The following ITSN1 variants were observed in gnomAD, a reference collection of about 807,000 sequenced individuals.
ITSN1 encodes intersectin-1.
Under a neutral mutation model 239.8 loss-of-function variants are expected in ITSN1, and 58 were observed. That is an observed-to-expected ratio of 0.24 (90% confidence interval 0.20 to 0.30). The LOEUF is 0.30. ITSN1 is among the 10% of genes least tolerant of loss of function. ITSN1 has a pLI of 1.00. For synonymous variants in ITSN1, 780 were observed against 770.8 expected, an observed-to-expected ratio of 1.01 and a Z score of -0.20; for missense variants, 1,558 against 2,103.3, an observed-to-expected ratio of 0.74 and a Z score of 5.07.
chr21:33,767,898 C>T, intron 11 of ITSN1, 70 bp downstream of exon 11: 2 of 840,636 alleles, frequency 2.4e-6, no homozygotes, highest in Non-Finnish European at 3.9e-6. Context: ...ATCTCTAAGA[C>T]AAAGATAGAG....
intron 5 of ITSN1, among the ~76,000 whole-genome samples, chr21:33,737,507 A>G (rs2066575301): frequency 6.6e-6 from 1 of 152,194 alleles, no homozygotes; most frequent in Non-Finnish European, 1.5e-5. Flanking sequence ...AAATACATAT[A>G]TATATTTTAT....
rs2092339544 is a variant in ITSN1 at position 33,709,156 on chromosome 21, C to CA, written c.-32-9638dup. ...ACTATCAGCTTGCCGATTTCTGCCA[C>CA]AAAGCCTGCTGCAATTTTGATTGGG... On this transcript the variant is annotated intron_variant, in intron 1 of 39. Transcript: ENST00000381318. Among the ~76,000 whole-genome samples, 3 of 152,318 alleles carry CA rather than the reference C, an allele frequency of 2.0e-5. No homozygotes were observed. In the South Asian group the frequency reaches 6.2e-4, roughly 32 times the overall value.
At chr21:33,695,386 G>A (rs2091750054) in intron 1 of ITSN1, among the ~76,000 whole-genome samples, 1 of 152,190 alleles carries the variant, frequency 6.6e-6, no homozygotes. Flanking sequence ...GAGTGTCAAG[G>A]AAATAGGAAA....
chr21:33,888,128 A>T (rs746955303), intron 39 of ITSN1, 24 bp from the exon 40 acceptor site: 1 of 1,612,914 alleles, frequency 6.2e-7, no homozygotes, highest in Non-Finnish European at 8.5e-7. Context: ...CCCTCTTAGG[A>T]GGGTCTGTTT....
At chr21:33,813,148 A>T (rs918576156) in intron 21 of ITSN1, among the ~76,000 whole-genome samples, 6 of 151,978 alleles carry the variant, frequency 3.9e-5, no homozygotes, top group Non-Finnish European at 7.4e-5. Flanking sequence ...TCAATGAGGA[A>T]ATCAAATGCC....
At chr21:33,755,458 A>G (rs1382576714) in intron 8 of ITSN1, 61 bp downstream of exon 8, 2 of 874,280 alleles carry the variant, frequency 2.3e-6, no homozygotes, top group Non-Finnish European at 3.6e-6. Flanking sequence ...CTGTTTCTAG[A>G]TATTGGGTCA....
intron 20 of ITSN1, among the ~76,000 whole-genome samples, chr21:33,809,497 ACTC>A (rs2072733872): frequency 6.6e-6 from 1 of 152,192 alleles, no homozygotes; most frequent in Non-Finnish European, 1.5e-5. Context: ...GAACCCTATT[ACTC>A]ACTGTCCACT....
chr21:33,750,627 C>G (rs1283154229), intron 6 of ITSN1, among the ~76,000 whole-genome samples: 1 of 152,142 alleles, frequency 6.6e-6, no homozygotes, highest in East Asian at 1.9e-4. Flanking sequence ...TGAAGTTGAA[C>G]TGTAGTTGAA....
chr21:33,669,734 C>T (rs1427375301), intron 1 of ITSN1, among the ~76,000 whole-genome samples: 1 of 152,162 alleles, frequency 6.6e-6, no homozygotes, highest in African/African-American at 2.4e-5. Context: ...AGCCACCGCT[C>T]TCGGCCCTCA....
At chr21:33,775,134 T>G (rs747664678) in intron 14 of ITSN1, 26 bp downstream of exon 14, 2 of 1,594,532 alleles carry the variant, frequency 1.3e-6, no homozygotes, top group Admixed American at 3.6e-5. Flanking sequence ...TCTTAAAAGC[T>G]ATTATATTAA....
At chr21:33,807,408 G>A (rs993467589) in intron 20 of ITSN1, among the ~76,000 whole-genome samples, 1 of 152,172 alleles carries the variant, frequency 6.6e-6, no homozygotes, top group African/African-American at 2.4e-5. Flanking sequence ...TGTGATTTTG[G>A]CTCACTGCAA....
chr21:33,647,091 A>G (rs894461057), intron 1 of ITSN1, among the ~76,000 whole-genome samples: 4 of 152,212 alleles, frequency 2.6e-5, no homozygotes, highest in African/African-American at 9.7e-5. Context: ...ATAAGCTATC[A>G]AATATGTATT....
intron 11 of ITSN1, among the ~76,000 whole-genome samples, chr21:33,771,440 A>G (rs976045365): frequency 2.0e-5 from 3 of 152,220 alleles, no homozygotes; most frequent in African/African-American, 7.2e-5. Context: ...GGATGATGGG[A>G]TTGTAGAAAA....
chr21:33,802,496 C>T lies in ITSN1; in HGVS notation c.2319+52C>T, dbSNP rs9978099. The T allele has an allele frequency of 3.4e-4, 543 of 1,585,934 alleles. 2 individuals are homozygous for T. In the African/African-American group the frequency reaches 5.5e-3, roughly 16 times the overall value. On this transcript the variant is annotated intron_variant, in intron 20 of 39. Coordinates refer to ENST00000381318, the MANE Select transcript of ITSN1 (RefSeq NM_003024.3). The stretch of plus-strand genomic sequence containing the variant: ...TCTGCATCTTATTCAATGTTTTGTC[C>T]TTTTAAGTCACTTGAATTCTGTGTA...
At position 33,885,116 on chromosome 21, in the gene ITSN1, G is replaced by C. The variant is rs199580344; in HGVS notation, c.4752G>C (p.Ala1584=). ...IETEKKKREK[A]YLVRSQRATG... ...CTGAGAAAAAGAAGCGCGAGAAAGC[G>C]TACCTGGGTAATGCATGGCCCCGCG... is the stretch of plus-strand genomic sequence containing the variant. Residue 1584 remains alanine, a synonymous_variant, in exon 37 of 40, where the codon GCG becomes GCC. Transcript: ENST00000381318. The C allele has an allele frequency of 6.2e-7, 1 of 1,613,694 alleles. No individual in the cohort carries two copies. The highest frequency in any genetic ancestry group is 1.1e-5 in the South Asian group (1 of 91,038).
intron 1 of ITSN1, among the ~76,000 whole-genome samples, chr21:33,671,656 A>G (rs1281180204): frequency 1.3e-5 from 2 of 151,806 alleles, no homozygotes; most frequent in South Asian, 4.2e-4. Flanking sequence ...TACAAAAATT[A>G]GCAGGCATGG....
intron 27 of ITSN1, among the ~76,000 whole-genome samples, chr21:33,831,949 T>A (rs2074316598): frequency 1.3e-5 from 2 of 152,178 alleles, no homozygotes; most frequent in African/African-American, 4.8e-5. Flanking sequence ...TCCCACTCCC[T>A]GCTTAGAGTT....
At chr21:33,718,503 G>T (rs912513443) in intron 1 of ITSN1, among the ~76,000 whole-genome samples, 1 of 152,194 alleles carries the variant, frequency 6.6e-6, no homozygotes, top group African/African-American at 2.4e-5. Context: ...TTTGAAGTAT[G>T]CAAGAGGACG....
chr21:33,657,616 T>G (rs2146215693), intron 1 of ITSN1, among the ~76,000 whole-genome samples: 1 of 152,338 alleles, frequency 6.6e-6, no homozygotes, highest in Non-Finnish European at 1.5e-5. Flanking sequence ...ATTTTGTCTT[T>G]GTGCAAACAT....
Sources: gnomAD v4.1 joint callset for allele counts (sites outside exome capture counted in the v4.1 genomes callset) on GRCh38, gnomAD v4.1.1 for gene constraint, MANE v1.5 for transcripts, NCBI Gene and HGNC (gene_info 2026-07-23, HGNC 2026-07-21) for gene names.